The following GPR37 variants were observed in gnomAD, a reference collection of about 807,000 sequenced individuals.
GPR37 encodes the protein prosaposin receptor GPR37.
Under a neutral mutation model 43.6 loss-of-function variants are expected in GPR37, and 20 were observed. The ratio of observed to expected loss-of-function variants is 0.46; its 90% CI spans 0.32 to 0.67. The LOEUF is 0.67. Ranked by LOEUF, GPR37 falls within the 30% of genes least tolerant of loss-of-function variation. GPR37 has a pLI of 0.03. For missense variants in GPR37, 724 were observed against 797.2 expected, an observed-to-expected ratio of 0.91 and a Z score of 1.11; for synonymous variants, 315 against 322.6, an observed-to-expected ratio of 0.98 and a Z score of 0.25.
At position 124,764,536 on chromosome 7, in the gene GPR37, C is replaced by T. The variant is rs1793891910; in HGVS notation, c.441G>A (p.Gln147=). ...GACCCTTCTCTTCCTCCTCTGAGAT[C>T]TGAAGGAAGAGCTGGAGGGCCGTGG... ...GNPTALQLFL[Q]ISEEEEKGPR... The change falls in exon 1 of 2, where the codon CAG becomes CAA. Residue 147 remains glutamine, a synonymous_variant. Transcript: ENST00000303921. The surrounding 1 kb of genome is among the most constrained non-coding windows in gnomAD (Gnocchi z 5.4). The T allele has an allele frequency of 1.2e-6, 2 of 1,613,640 alleles. No homozygotes were observed. The highest frequency in any genetic ancestry group is 1.7e-6 in the Non-Finnish European group (2 of 1,180,016).
intron 1 of GPR37, among the ~76,000 whole-genome samples, chr7:124,759,944 T>G (rs902060465): frequency 6.6e-6 from 1 of 152,128 alleles, no homozygotes; most frequent in African/African-American, 2.4e-5. Context: ...ATCCCACGAT[T>G]CCCTTCAGAT....
intron 1 of GPR37, among the ~76,000 whole-genome samples, chr7:124,760,511 C>T (rs1462283256): frequency 2.0e-5 from 3 of 151,984 alleles, no homozygotes; most frequent in Admixed American, 2.0e-4. Context: ...AATTAACTAC[C>T]AATTGCAGAA....
chr7:124,752,001 A>G (rs1437908523), intron 1 of GPR37, among the ~76,000 whole-genome samples: 2 of 152,098 alleles, frequency 1.3e-5, no homozygotes, highest in African/African-American at 4.8e-5. Context: ...GAGCATTTTG[A>G]GAGGATTGGC....
chr7:124,746,489 C>A lies in GPR37; in HGVS notation c.*36G>T. The A allele has an allele frequency of 7.0e-7, 1 of 1,419,664 alleles. No homozygotes were observed. Among genetic ancestry groups the A allele is most frequent in the Non-Finnish European group, 9.4e-7 (1 of 1,061,636 alleles). The allele number at this position is 1,419,664 out of a possible 1,614,324, so 87.9% of individuals were successfully genotyped here. On this transcript the variant is annotated 3_prime_UTR_variant, in exon 2 of 2. Coordinates refer to ENST00000303921, the MANE Select transcript of GPR37 (RefSeq NM_005302.5). ...AAAAACTTTCACGGGATATGAAAAT[C>A]AAACAAATAAATCTGACCCAACCAA...
intron 1 of GPR37, among the ~76,000 whole-genome samples, chr7:124,762,669 T>A (rs967160573): frequency 3.3e-5 from 5 of 152,196 alleles, no homozygotes; most frequent in Non-Finnish European, 5.9e-5. Flanking sequence ...TGGACGCTGC[T>A]AAAGCAGCAA....
Position 124,745,327 on chromosome 7 carries a change from CTGAG to C in GPR37, c.*1194_*1197del, listed in dbSNP as rs1241185111. Among the ~76,000 whole-genome samples, 2 of 152,170 alleles carry C rather than the reference CTGAG, an allele frequency of 1.3e-5. No homozygotes were observed. Among genetic ancestry groups the C allele is most frequent in the Admixed American group, 6.5e-5 (1 of 15,270 alleles). ...GTCACTAGGTCATGGTCTCTGCCAC[CTGAG>C]TTAGACATGTGTCCCACACAGCAAG... On this transcript the variant is annotated 3_prime_UTR_variant, in exon 2 of 2. Transcript: ENST00000303921.
chr7:124,747,886 A>G (rs554582752), intron 1 of GPR37, among the ~76,000 whole-genome samples: 1 of 152,258 alleles, frequency 6.6e-6, no homozygotes, highest in East Asian at 1.9e-4. Context: ...ATAAAGTATT[A>G]CAGTATTATT....
chr7:124,761,494 T>C (rs1263220174), intron 1 of GPR37, among the ~76,000 whole-genome samples: 1 of 152,162 alleles, frequency 6.6e-6, no homozygotes, highest in Non-Finnish European at 1.5e-5. Context: ...TCAGCTGAGG[T>C]CTCTGTGGCA....
intron 1 of GPR37, among the ~76,000 whole-genome samples, chr7:124,749,186 T>C (rs1169391762): frequency 2.0e-5 from 3 of 152,134 alleles, no homozygotes; most frequent in Non-Finnish European, 4.4e-5. Flanking sequence ...AGTAATTTAA[T>C]ATGTAATAAA....
intron 1 of GPR37, among the ~76,000 whole-genome samples, chr7:124,753,505 G>A (rs959391068): frequency 2.8e-4 from 42 of 151,850 alleles, no homozygotes; most frequent in African/African-American, 9.9e-4. Context: ...TCCCCTAATT[G>A]TGGATGCTGA....
At chr7:124,758,065 A>T (rs191853509) in intron 1 of GPR37, among the ~76,000 whole-genome samples, 313 of 152,074 alleles carry the variant, frequency 2.1e-3, no homozygotes, top group Non-Finnish European at 3.3e-3. Context: ...TTTCCTATTT[A>T]TACTTCATTG....
In GPR37 at chr7:124,764,689, C is replaced by T; in HGVS notation, c.288G>A (p.Pro96=). 1 of 1,593,420 alleles carries T rather than the reference C, an allele frequency of 6.3e-7. No homozygotes were observed. Among genetic ancestry groups the T allele is most frequent in the Admixed American group, 1.7e-5 (1 of 58,258 alleles). Reference sequence around the variant, plus strand: ...ACGCCTCCGCCCCTCTGCCTGCAGCCGGGTCACGGCCCGGGGCCGCCGGCA... The same window carrying T: ...ACGCCTCCGCCCCTCTGCCTGCAGCTGGGTCACGGCCCGGGGCCGCCGGCA... ...WDLPAAPGRD[P]AAGRGAEASA... The change falls in exon 1 of 2, where the codon CCG becomes CCA. Residue 96 remains proline, a synonymous_variant. Transcript: ENST00000303921. The surrounding 1 kb of genome is among the most constrained non-coding windows in gnomAD (Gnocchi z 5.4).
intron 1 of GPR37, among the ~76,000 whole-genome samples, chr7:124,758,929 A>T (rs1299768918): frequency 6.6e-6 from 1 of 152,192 alleles, no homozygotes; most frequent in South Asian, 2.1e-4. Flanking sequence ...CGATCATTCA[A>T]AACCTCCAAT....
At chr7:124,747,374 C>G (rs553719939) in intron 1 of GPR37, 31 bp from the exon 2 acceptor site, 6 of 1,418,262 alleles carry the variant, frequency 4.2e-6, no homozygotes, top group African/African-American at 2.8e-5. Context: ...CATTTATTCC[C>G]GGTGTCCCCC....
At chr7:124,758,206 C>T (rs770255755) in intron 1 of GPR37, among the ~76,000 whole-genome samples, 1 of 152,116 alleles carries the variant, frequency 6.6e-6, no homozygotes, top group Non-Finnish European at 1.5e-5. Flanking sequence ...CACCATACAC[C>T]ATTCAGAAAT....
chr7:124,752,264 C>T (rs2116314363), intron 1 of GPR37, among the ~76,000 whole-genome samples: 1 of 152,260 alleles, frequency 6.6e-6, no homozygotes, highest in Middle Eastern at 3.4e-3. Flanking sequence ...GAGACCACTG[C>T]ATTAGCACAA....
Position 124,746,723 on chromosome 7 carries a change from G to T in GPR37, c.1644C>A (p.Leu548=). The part of the protein sequence containing the change: ...LFFKSCVTPV[L]LFCLCKPFSR... ...TGAAGGGTTTGCAGAGACAGAAAAG[G>T]AGGACTGGGGTGACACAGGACTTAA... The change falls in exon 2 of 2, where the codon CTC becomes CTA. Residue 548 remains leucine (L), a synonymous_variant. Transcript: ENST00000303921. 1 of 1,613,968 alleles carries T rather than the reference G, an allele frequency of 6.2e-7. No homozygotes were observed. Among genetic ancestry groups the T allele is most frequent in the South Asian group, 1.1e-5 (1 of 91,084 alleles).
Position 124,765,102 on chromosome 7 carries a change from C to A in GPR37, c.-126G>T, listed in dbSNP as rs1391396914. Reference sequence around the variant, plus strand: ...CACCCCCGCCCGGGTAGCGGGGAACCGGAGATTAGGGTGATAGCGGAAGAT... The same window carrying A: ...CACCCCCGCCCGGGTAGCGGGGAACAGGAGATTAGGGTGATAGCGGAAGAT... On this transcript the variant is annotated 5_prime_UTR_variant, in exon 1 of 2. Coordinates refer to ENST00000303921, the MANE Select transcript of GPR37 (RefSeq NM_005302.5). The A allele has an allele frequency of 3.5e-6, 3 of 855,968 alleles. No individual in the cohort carries two copies. Among genetic ancestry groups the A allele is most frequent in the African/African-American group, 3.5e-5 (2 of 56,808 alleles). 53.0% of individuals were successfully genotyped at this position (855,968 alleles called of 1,614,324 possible).
chr7:124,754,019 C>T (rs936869789), intron 1 of GPR37, among the ~76,000 whole-genome samples: 3 of 151,996 alleles, frequency 2.0e-5, no homozygotes, highest in Admixed American at 6.6e-5. Context: ...AAAAATGTAT[C>T]GCTCTTTCCA....
Sources: gnomAD v4.1 joint callset for allele counts (sites outside exome capture counted in the v4.1 genomes callset) on GRCh38, gnomAD v4.1.1 for gene constraint, Gnocchi (gnomAD v3.1) non-coding constraint, MANE v1.5 for transcripts, NCBI Gene and HGNC (gene_info 2026-07-23, HGNC 2026-07-21) for gene names.